HIVEP2: variants seen among roughly 807,000 people sequenced by gnomAD.
The protein encoded by HIVEP2 is transcription factor HIVEP2.
A neutral mutation model predicts 180.7 loss-of-function variants in HIVEP2; 14 were observed. That is an observed-to-expected ratio of 0.08 (90% CI 0.05 to 0.12). The LOEUF (loss-of-function observed/expected upper bound fraction) is 0.12. Among genes scored for constraint, HIVEP2 ranks in the 10% least tolerant of loss-of-function variants. HIVEP2 has a pLI of 1.00. For synonymous variants in HIVEP2, 1,184 were observed against 1,136.4 expected, an observed-to-expected ratio of 1.04 and a Z score of -0.84; for missense variants, 2,579 against 3,008.5, an observed-to-expected ratio of 0.86 and a Z score of 3.34.
chr6:142,870,950 T>C (rs1343644098), intron 1 of HIVEP2, among the ~76,000 whole-genome samples: 1 of 152,188 alleles, frequency 6.6e-6, no homozygotes, highest in Non-Finnish European at 1.5e-5. Flanking sequence ...ACAATTACCA[T>C]ACCATATAGA....
chr6:142,790,936 C>CTA (rs1294688597), intron 2 of HIVEP2, among the ~76,000 whole-genome samples: 2 of 100,100 alleles, frequency 2.0e-5, no homozygotes, highest in East Asian at 6.2e-4. Flanking sequence ...TCTTCAGTCT[C>CTA]TCGTAGGTCT....
intron 1 of HIVEP2, among the ~76,000 whole-genome samples, chr6:142,916,107 A>G (rs1777543433): frequency 6.6e-6 from 1 of 151,946 alleles, no homozygotes; most frequent in Non-Finnish European, 1.5e-5. Context: ...AATCTCACCA[A>G]TCTTTCTCTG....
At chr6:142,917,521 T>C (rs926589141) in intron 1 of HIVEP2, among the ~76,000 whole-genome samples, 6 of 152,180 alleles carry the variant, frequency 3.9e-5, no homozygotes, top group African/African-American at 1.4e-4. Flanking sequence ...TGATAAAAAA[T>C]ATAACACATA....
intron 1 of HIVEP2, among the ~76,000 whole-genome samples, chr6:142,895,432 A>G (rs1776962249): frequency 6.6e-6 from 1 of 152,158 alleles, no homozygotes; most frequent in South Asian, 2.1e-4. Flanking sequence ...GCTTAAGAGT[A>G]GGTTCCTCAA....
At chr6:142,802,560 T>C (rs549411652) in intron 2 of HIVEP2, among the ~76,000 whole-genome samples, 7 of 152,250 alleles carry the variant, frequency 4.6e-5, no homozygotes, top group African/African-American at 1.4e-4. Flanking sequence ...ACGTAAATCA[T>C]GTTCACAGCT....
intron 1 of HIVEP2, among the ~76,000 whole-genome samples, chr6:142,874,912 T>C (rs565289884): frequency 2.0e-5 from 3 of 152,066 alleles, no homozygotes; most frequent in Middle Eastern, 3.4e-3. Flanking sequence ...GGTGAATGAG[T>C]CAACAAATTC....
intron 1 of HIVEP2, among the ~76,000 whole-genome samples, chr6:142,937,557 G>A (rs946183591): frequency 2.0e-5 from 3 of 152,082 alleles, no homozygotes; most frequent in Non-Finnish European, 2.9e-5. Context: ...ACTTCAAATC[G>A]AGGTTCTTAA....
chr6:142,791,449 T>C (rs952419067), intron 2 of HIVEP2, among the ~76,000 whole-genome samples: 1 of 152,192 alleles, frequency 6.6e-6, no homozygotes, highest in Non-Finnish European at 1.5e-5. Context: ...TTTGACAAAC[T>C]GTGAATGGCA....
At chr6:142,941,889 T>C (rs1439539130) in intron 1 of HIVEP2, among the ~76,000 whole-genome samples, 1 of 152,176 alleles carries the variant, frequency 6.6e-6, no homozygotes, top group Non-Finnish European at 1.5e-5. Flanking sequence ...ACAGAACTAA[T>C]GTATAGACCA....
intron 2 of HIVEP2, among the ~76,000 whole-genome samples, chr6:142,811,376 T>C (rs530781533): frequency 5.9e-5 from 9 of 152,166 alleles, no homozygotes; most frequent in Non-Finnish European, 1.3e-4. Context: ...TAAGATCAGT[T>C]TAAGAAACCT....
intron 1 of HIVEP2, among the ~76,000 whole-genome samples, chr6:142,937,572 G>A (rs771204099): frequency 5.9e-5 from 9 of 152,124 alleles, no homozygotes; most frequent in Non-Finnish European, 4.4e-5. Context: ...TCTTAATCCC[G>A]TGGGCTACCT....
At chr6:142,905,756 C>T (rs1397447427) in intron 1 of HIVEP2, among the ~76,000 whole-genome samples, 5 of 152,078 alleles carry the variant, frequency 3.3e-5, no homozygotes, top group Non-Finnish European at 7.4e-5. Context: ...CTGTTAATTC[C>T]CCCCACCATG....
At chr6:142,945,284 C>T (rs1037851768), upstream of HIVEP2, 1 of 152,508 alleles carries the variant, frequency 6.6e-6, no homozygotes, top group Non-Finnish European at 1.5e-5. The surrounding 1 kb of genome is among the most constrained non-coding windows in gnomAD (Gnocchi z 5.5). Flanking sequence ...AGGGTATTCC[C>T]CGCATTTCCC....
chr6:142,858,543 T>G (rs1009475687), intron 1 of HIVEP2, among the ~76,000 whole-genome samples: 2 of 152,336 alleles, frequency 1.3e-5, no homozygotes, highest in Non-Finnish European at 2.9e-5. Context: ...CTGCTTCATC[T>G]TTTATCACAC....
chr6:142,811,250 T>C (rs753260595), intron 2 of HIVEP2, among the ~76,000 whole-genome samples: 10 of 152,100 alleles, frequency 6.6e-5, no homozygotes, highest in Non-Finnish European at 1.5e-4. Context: ...AACAAGCTGA[T>C]GGCATTCCAC....
At chr6:142,848,400 A>T (rs1188569484) in intron 1 of HIVEP2, among the ~76,000 whole-genome samples, 2 of 152,176 alleles carry the variant, frequency 1.3e-5, no homozygotes, top group African/African-American at 4.8e-5. Context: ...GGGAGGAAGT[A>T]TGTTTAGGAA....
At chr6:142,822,119 G>C (rs1777058166) in intron 2 of HIVEP2, among the ~76,000 whole-genome samples, 1 of 152,184 alleles carries the variant, frequency 6.6e-6, no homozygotes, top group African/African-American at 2.4e-5. Context: ...TCCACCATAT[G>C]ACCTTAAGTA....
Position 142,772,727 on chromosome 6 carries a change from C to T in HIVEP2, c.2012G>A (p.Gly671Glu), listed in dbSNP as rs1775583888. The T allele has an allele frequency of 1.9e-6, 3 of 1,614,112 alleles. No homozygotes were observed. The highest frequency in any genetic ancestry group is 1.3e-5 in the African/African-American group (1 of 74,948). The change falls in exon 5 of 10, where the codon GGA becomes GAA. Residue 671 changes from glycine (G) to glutamate (E), a missense_variant. Around this residue, in one of 11 missense-constraint regions of HIVEP2, gnomAD observed 524 missense variants for 563.6 expected, o/e 0.93. Coordinates refer to ENST00000367603, the MANE Select transcript of HIVEP2 (RefSeq NM_006734.4). The surrounding 1 kb of genome is among the most constrained non-coding windows in gnomAD (Gnocchi z 4.9). ...CACCACGGGATCCATGAAATATTCT[C>T]CACCATGCTTTAAAGAACTCAAGCA... Reference protein sequence around the residue: ...ISCLSSLKHGGEYFMDPVVPL... With the variant: ...ISCLSSLKHGEEYFMDPVVPL...
chr6:142,828,753 A>G (rs1774986496), intron 2 of HIVEP2, among the ~76,000 whole-genome samples: 1 of 152,044 alleles, frequency 6.6e-6, no homozygotes, highest in South Asian at 2.1e-4. Flanking sequence ...TATATCCCCA[A>G]CTAAATTTTC....
Sources: allele counts gnomAD v4.1 joint callset (sites outside exome capture counted in the v4.1 genomes callset), GRCh38; gene constraint gnomAD v4.1.1; regional missense constraint gnomAD v4.1.1; non-coding constraint Gnocchi (gnomAD v3.1); transcripts MANE v1.5; gene names NCBI Gene and HGNC (gene_info 2026-07-23, HGNC 2026-07-21).